PLEKHA5: variants seen among roughly 807,000 people sequenced by gnomAD.
PLEKHA5 encodes pleckstrin homology domain-containing family A member 5.
Under a neutral mutation model 181.9 loss-of-function variants are expected in PLEKHA5, and 55 were observed. That is an observed-to-expected ratio of 0.30 (90% CI 0.24 to 0.38). PLEKHA5 has a LOEUF of 0.38. PLEKHA5 is among the 10% of genes least tolerant of loss of function. PLEKHA5 has a pLI of 1.00. For synonymous variants in PLEKHA5, 535 were observed against 529.4 expected, an observed-to-expected ratio of 1.01 and a Z score of -0.15; for missense variants, 1,432 against 1,549.5, an observed-to-expected ratio of 0.92 and a Z score of 1.27.
intron 3 of PLEKHA5, among the ~76,000 whole-genome samples, chr12:19,190,788 C>A (rs2151950974): frequency 6.6e-6 from 1 of 152,250 alleles, no homozygotes; most frequent in South Asian, 2.1e-4. Flanking sequence ...CTTTCCTATT[C>A]TCAGCCCTCT....
chr12:19,279,755 A>G (rs953391111), intron 11 of PLEKHA5, among the ~76,000 whole-genome samples: 14 of 151,998 alleles, frequency 9.2e-5, no homozygotes, highest in African/African-American at 3.4e-4. Context: ...AAGCCCCAGA[A>G]TATGTAACTC....
rs967022014 is a variant in PLEKHA5 at position 19,376,017 on chromosome 12, T to G, written c.*498T>G. Reference sequence around the variant, plus strand: ...AAATTTTATATATATGTATTTAAAATGTGCCATTTTATTGCTAAGTGAAGT... The same window carrying G: ...AAATTTTATATATATGTATTTAAAAGGTGCCATTTTATTGCTAAGTGAAGT... On this transcript the variant is annotated 3_prime_UTR_variant, in exon 32 of 32. Coordinates refer to ENST00000429027, the MANE Select transcript of PLEKHA5 (RefSeq NM_001256470.2). 1 of 152,564 alleles carries G rather than the reference T, an allele frequency of 6.6e-6. No homozygotes were observed. Among genetic ancestry groups the G allele is most frequent in the African/African-American group, 2.4e-5 (1 of 41,436 alleles). 9.5% of individuals were successfully genotyped at this position (152,564 alleles called of 1,614,324 possible).
intron 25 of PLEKHA5, among the ~76,000 whole-genome samples, chr12:19,353,647 C>T (rs949438901): frequency 1.3e-5 from 2 of 151,330 alleles, no homozygotes; most frequent in Admixed American, 1.3e-4. Context: ...TTAGTGGAGA[C>T]GGGGTTTCTC....
At chr12:19,156,887 A>G (rs1193530135) in intron 3 of PLEKHA5, among the ~76,000 whole-genome samples, 1 of 83,194 alleles carries the variant, frequency 1.2e-5, no homozygotes, top group African/African-American at 3.5e-5. Context: ...TCTACTAACA[A>G]AAAATACCAA....
intron 3 of PLEKHA5, among the ~76,000 whole-genome samples, chr12:19,145,744 C>G (rs766441822): frequency 2.2e-4 from 33 of 151,688 alleles, no homozygotes; most frequent in Non-Finnish European, 3.4e-4. Context: ...TCTTTGTGGT[C>G]ACATGCAAAT....
intron 3 of PLEKHA5, among the ~76,000 whole-genome samples, chr12:19,155,596 G>A (rs1331245294): frequency 6.6e-6 from 1 of 152,162 alleles, no homozygotes; most frequent in Non-Finnish European, 1.5e-5. Flanking sequence ...GCAATTGAAG[G>A]TAACAGTTTT....
chr12:19,213,805 C>T (rs925776070), intron 3 of PLEKHA5, among the ~76,000 whole-genome samples: 4 of 152,122 alleles, frequency 2.6e-5, no homozygotes, highest in African/African-American at 4.8e-5. Context: ...GAGAACTGTT[C>T]TCTCTGGCAT....
At chr12:19,219,600 A>G (rs576467561) in intron 3 of PLEKHA5, among the ~76,000 whole-genome samples, 78 of 151,250 alleles carry the variant, frequency 5.2e-4, no homozygotes, top group African/African-American at 1.8e-3. Context: ...CTTATAGGTT[A>G]CCTGTTATTA....
rs775103736 is a variant in PLEKHA5 at position 19,353,895 on chromosome 12, C to A, written c.3031C>A (p.Pro1011Thr). 1 of 1,554,868 alleles carries A rather than the reference C, an allele frequency of 6.4e-7. No homozygotes were observed. Among genetic ancestry groups the A allele is most frequent in the Non-Finnish European group, 8.9e-7 (1 of 1,126,790 alleles). The change falls in exon 26 of 32, where the codon CCT becomes ACT. Residue 1011 changes from proline (P) to threonine (T), a missense_variant. Pro to Thr is a conservative substitution (Grantham distance 38). Transcript: ENST00000429027. ...ETSVVKGSHF[P>T]VGVVPPRAKS... The stretch of plus-strand genomic sequence containing the variant: ...GTTTTAATTTTTAGGTTCCCACTTT[C>A]CTGTTGGAGTAGTCCCTCCAAGAGC...
At chr12:19,332,408 T>G (rs1426591918) in intron 20 of PLEKHA5, among the ~76,000 whole-genome samples, 23 of 152,224 alleles carry the variant, frequency 1.5e-4, no homozygotes, top group Admixed American at 1.5e-3. Context: ...CATTGAATTT[T>G]ACTAGCATAC....
rs1402076787 is a variant in PLEKHA5, at chr12:19,291,704, T to A, written c.2037+7T>A. 4.9e-5 allele frequency: 71 copies of A among 1,455,452 alleles called. No homozygotes were observed. The highest frequency in any genetic ancestry group is 6.6e-5 in the Non-Finnish European group (71 of 1,079,496). 90.2% of individuals were successfully genotyped at this position (1,455,452 alleles called of 1,614,324 possible). ...CATATATTTGGATCATCAGGTGGGA[T>A]TCATAGAGATTTTCTTACTTTTAAT... On this transcript the variant is annotated splice_region_variant and intron_variant, in intron 15 of 31. Transcript: ENST00000429027.
chr12:19,298,472 G>C (rs1009854559), intron 15 of PLEKHA5, among the ~76,000 whole-genome samples: 3 of 113,154 alleles, frequency 2.7e-5, no homozygotes, highest in Non-Finnish European at 4.9e-5. Context: ...TCCGTCTCTT[G>C]GTGTCCCTGC....
chr12:19,153,678 T>A (rs536238102), intron 3 of PLEKHA5: 1 of 152,190 alleles, frequency 6.6e-6, no homozygotes, highest in Non-Finnish European at 1.5e-5. Context: ...TTTTGACAAA[T>A]GTAAATGACA....
At chr12:19,368,721 G>T (rs2095499955) in intron 30 of PLEKHA5, among the ~76,000 whole-genome samples, 1 of 152,076 alleles carries the variant, frequency 6.6e-6, no homozygotes, top group African/African-American at 2.4e-5. Flanking sequence ...AACTTGGGAG[G>T]CAGAGGTTGT....
At chr12:19,257,080 T>C (rs1002380670) in intron 5 of PLEKHA5, among the ~76,000 whole-genome samples, 3 of 152,156 alleles carry the variant, frequency 2.0e-5, no homozygotes, top group African/African-American at 7.2e-5. Flanking sequence ...TGTCATTTGG[T>C]TTATTCTTAA....
chr12:19,181,816 G>C (rs551012533), intron 3 of PLEKHA5, among the ~76,000 whole-genome samples: 11 of 152,202 alleles, frequency 7.2e-5, no homozygotes, highest in Non-Finnish European at 1.5e-5. Flanking sequence ...ATTAATCTAA[G>C]ACAACTAAGG....
intron 11 of PLEKHA5, among the ~76,000 whole-genome samples, chr12:19,279,377 T>C (rs1348023446): frequency 1.3e-5 from 2 of 152,086 alleles, no homozygotes; most frequent in Admixed American, 6.6e-5. Context: ...CCAAGTATGA[T>C]CTCTTGGACC....
intron 15 of PLEKHA5, among the ~76,000 whole-genome samples, chr12:19,295,065 G>C (rs2079411440): frequency 6.6e-6 from 1 of 152,126 alleles, no homozygotes; most frequent in African/African-American, 2.4e-5. Flanking sequence ...ACTAGCCCTG[G>C]TTTATTTGTC....
intron 13 of PLEKHA5, among the ~76,000 whole-genome samples, chr12:19,290,049 T>G (rs899691233): frequency 6.6e-6 from 1 of 152,084 alleles, no homozygotes; most frequent in Non-Finnish European, 1.5e-5. Context: ...TTCAAGCGAT[T>G]CTCCTGCCTC....
Sources: gnomAD v4.1 joint callset for allele counts (sites outside exome capture counted in the v4.1 genomes callset) on GRCh38, gnomAD v4.1.1 for gene constraint, MANE v1.5 for transcripts, NCBI Gene and HGNC (gene_info 2026-07-23, HGNC 2026-07-21) for gene names.